ERO1A: variants seen among roughly 807,000 people sequenced by gnomAD.
ERO1A encodes the protein endoplasmic reticulum oxidoreductase 1 alpha.
In ERO1A, 49 loss-of-function variants were observed where a neutral mutation model predicts 76.9. The observed-to-expected ratio is 0.64, with a 90% CI of 0.51 to 0.81. The LOEUF is 0.81. Ranked by LOEUF, ERO1A falls within the 30% of genes least tolerant of loss-of-function variation. ERO1A has a pLI of 0.00. For synonymous variants in ERO1A, 174 were observed against 181.2 expected, an observed-to-expected ratio of 0.96 and a Z score of 0.32; for missense variants, 448 against 542.1, an observed-to-expected ratio of 0.83 and a Z score of 1.72.
chr14:52,673,463 A>G (rs1044413491), intron 4 of ERO1A, among the ~76,000 whole-genome samples: 2 of 152,188 alleles, frequency 1.3e-5, no homozygotes, highest in Admixed American at 1.3e-4. Context: ...CCATTCATTG[A>G]TACTTATTTT....
At chr14:52,675,448 TTA>T (rs1018922836) in intron 4 of ERO1A, among the ~76,000 whole-genome samples, 1 of 152,094 alleles carries the variant, frequency 6.6e-6, no homozygotes, top group Non-Finnish European at 1.5e-5. Context: ...GAAAATTCCT[TTA>T]ACTCTGCTAT....
chr14:52,659,842 A>G (rs1424739159), intron 9 of ERO1A, among the ~76,000 whole-genome samples: 4 of 151,014 alleles, frequency 2.6e-5, no homozygotes, highest in Admixed American at 6.6e-5. Flanking sequence ...TTAAAAAAAA[A>G]AAAAAAGAAA....
At chr14:52,666,286 G>A in intron 7 of ERO1A, 89 bp downstream of exon 7, 1 of 967,910 alleles carries the variant, frequency 1.0e-6, no homozygotes, top group Non-Finnish European at 1.5e-6. Flanking sequence ...AAGTGAATTT[G>A]ATTTTTAATT....
At chr14:52,685,320 T>A (rs769710315) in intron 1 of ERO1A, among the ~76,000 whole-genome samples, 4 of 151,918 alleles carry the variant, frequency 2.6e-5, no homozygotes, top group Non-Finnish European at 5.9e-5. Flanking sequence ...CAGATCTACA[T>A]ATTTTGTCAT....
intron 4 of ERO1A, among the ~76,000 whole-genome samples, chr14:52,675,228 A>G (rs2040742220): frequency 1.3e-5 from 2 of 152,106 alleles, no homozygotes; most frequent in Non-Finnish European, 2.9e-5. Context: ...TACTAAAAAT[A>G]CAAAATTAGC....
At position 52,657,938 on chromosome 14, in the gene ERO1A, T is replaced by G; in HGVS notation, c.787A>C (p.Ser263Arg). The G allele has an allele frequency of 6.2e-7, 1 of 1,610,156 alleles. No individual in the cohort carries two copies. The highest frequency in any genetic ancestry group is 8.5e-7 in the Non-Finnish European group (1 of 1,177,792). Residue 263 changes from serine to arginine, a missense_variant, in exon 11 of 16, where the codon AGT becomes CGT. Ser to Arg is a moderately radical substitution (Grantham distance 110). Coordinates refer to ENST00000395686, the MANE Select transcript of ERO1A (RefSeq NM_014584.3). ...GLHASINVHL[S>R]ARYLLQETWL... ...ATACCTTGTAAAAGATATCTTGCACTCAAATGCACATTAATGCTTGCATGT... is the reference window on the plus strand; with the variant it reads ...ATACCTTGTAAAAGATATCTTGCACGCAAATGCACATTAATGCTTGCATGT...
chr14:52,645,407 A>G (rs1265246954), intron 15 of ERO1A, among the ~76,000 whole-genome samples: 1 of 147,528 alleles, frequency 6.8e-6, no homozygotes, highest in African/African-American at 2.5e-5. Flanking sequence ...GGTTCAAGCG[A>G]TTCTTCTGCC....
At chr14:52,675,781 C>A (rs1292328780) in intron 4 of ERO1A, among the ~76,000 whole-genome samples, 1 of 151,910 alleles carries the variant, frequency 6.6e-6, no homozygotes, top group Non-Finnish European at 1.5e-5. Flanking sequence ...ACTACAGGCA[C>A]ACATCCTCAT....
At position 52,642,256 on chromosome 14, in the gene ERO1A, G is replaced by A. The variant is rs1253398613; in HGVS notation, c.*1314C>T. The A allele has an allele frequency of 6.6e-6, 1 of 152,076 alleles. No individual in the cohort carries two copies. The highest frequency in any genetic ancestry group is 2.4e-5 in the African/African-American group (1 of 41,394). The allele number at this position is 152,076 out of a possible 1,614,324, so 9.4% of individuals were successfully genotyped here. ...GGTATAAAAAACAAAAATGAAACTG[G>A]GTATGGTGGCAGACACCTGTATTCC... is the stretch of plus-strand genomic sequence containing the variant. On this transcript the variant is annotated 3_prime_UTR_variant, in exon 16 of 16. Transcript: ENST00000395686.
intron 1 of ERO1A, among the ~76,000 whole-genome samples, chr14:52,690,692 C>T (rs2139792885): frequency 6.6e-6 from 1 of 152,232 alleles, no homozygotes; most frequent in African/African-American, 2.4e-5. Context: ...CAAAGTGAGA[C>T]TCTGTCTCAA....
rs561733489 is a variant in ERO1A, at chr14:52,679,546, C to T, written c.319-1074G>A. ...TTGTACCTCAGCCTCCCGAGTGGCA[C>T]CCTGCTATGTCCAGCTCATTTTTGT... is the stretch of plus-strand genomic sequence containing the variant. On this transcript the variant is annotated intron_variant, in intron 3 of 15. Coordinates refer to ENST00000395686, the MANE Select transcript of ERO1A (RefSeq NM_014584.3). Among the ~76,000 whole-genome samples the T allele has an allele frequency of 9.0e-4, 136 of 151,744 alleles. 2 individuals are homozygous for T. Among genetic ancestry groups the T allele is most frequent in the Non-Finnish European group, 4.3e-4 (29 of 67,880 alleles).
intron 9 of ERO1A, among the ~76,000 whole-genome samples, chr14:52,660,260 T>TTA (rs1469169897): frequency 6.6e-6 from 1 of 152,226 alleles, no homozygotes; most frequent in Non-Finnish European, 1.5e-5. Flanking sequence ...AAATCAATAC[T>TTA]TATAATAAGA....
chr14:52,655,525 A>C (rs1261951064), intron 11 of ERO1A, among the ~76,000 whole-genome samples: 1 of 152,172 alleles, frequency 6.6e-6, no homozygotes, highest in Non-Finnish European at 1.5e-5. Flanking sequence ...AGAATCTTTT[A>C]TTTTTAAGTG....
Position 52,695,526 on chromosome 14 carries a change from G to T in ERO1A, c.-45C>A. 5.1e-6 allele frequency: 7 copies of T among 1,372,704 alleles called. No individual in the cohort carries two copies. The highest frequency in any genetic ancestry group is 6.8e-6 in the Non-Finnish European group (7 of 1,029,888). The allele number at this position is 1,372,704 out of a possible 1,614,324, so 85.0% of individuals were successfully genotyped here. A position where few individuals can be genotyped will look rare whatever the true frequency, so the allele number is the denominator to read the frequency against. Reference sequence around the variant, plus strand: ...CGCCCCACGCTTGGGAGGCCAGTCCGCACGCTCGGTCGCGGGCCGTGCGCC... The same window carrying T: ...CGCCCCACGCTTGGGAGGCCAGTCCTCACGCTCGGTCGCGGGCCGTGCGCC... On this transcript the variant is annotated 5_prime_UTR_variant, in exon 1 of 16. Transcript: ENST00000395686.
chr14:52,683,523 C>T (rs979453962), intron 2 of ERO1A, among the ~76,000 whole-genome samples: 1 of 152,114 alleles, frequency 6.6e-6, no homozygotes, highest in Admixed American at 6.5e-5. Flanking sequence ...TATGATCTCA[C>T]CATTTTGATA....
At chr14:52,674,438 A>G (rs1214175355) in intron 4 of ERO1A, among the ~76,000 whole-genome samples, 5 of 152,144 alleles carry the variant, frequency 3.3e-5, no homozygotes, top group Non-Finnish European at 5.9e-5. Context: ...GCTTCAAGCA[A>G]TCCTCACATG....
intron 12 of ERO1A, 149 bp downstream of exon 12, chr14:52,652,920 A>G: frequency 1.8e-6 from 1 of 561,054 alleles, no homozygotes; most frequent in Admixed American, 3.1e-5. Flanking sequence ...GCTTGAGCCC[A>G]GGAAATCAAG....
At chr14:52,658,435 A>C in intron 9 of ERO1A, 1 of 281,312 alleles carries the variant, frequency 3.6e-6, no homozygotes, top group Non-Finnish European at 6.5e-6. Flanking sequence ...GTCAAAATAC[A>C]GAATTTAAAT....
chr14:52,651,647 T>C (rs2039871527), intron 13 of ERO1A, among the ~76,000 whole-genome samples: 1 of 152,184 alleles, frequency 6.6e-6, no homozygotes, highest in Admixed American at 6.5e-5. Context: ...CTGTTAAGTA[T>C]ATATACATGT....
Sources: allele counts gnomAD v4.1 joint callset (sites outside exome capture counted in the v4.1 genomes callset), GRCh38; gene constraint gnomAD v4.1.1; transcripts MANE v1.5; gene names NCBI Gene and HGNC (gene_info 2026-07-23, HGNC 2026-07-21).